Variants in NCOA2 observed in about 807,000 individuals in gnomAD.
NCOA2 encodes nuclear receptor coactivator 2.
Under a neutral mutation model 145.1 loss-of-function variants are expected in NCOA2, and 21 were observed. The observed-to-expected ratio is 0.14, with a 90% CI of 0.10 to 0.21. The LOEUF (loss-of-function observed/expected upper bound fraction) is 0.21, where lower values mean the gene tolerates loss of function less well. Among genes scored for constraint, NCOA2 ranks in the 10% least tolerant of loss-of-function variants. NCOA2 has a pLI of 1.00. For synonymous variants in NCOA2, 619 were observed against 637.5 expected, an observed-to-expected ratio of 0.97 and a Z score of 0.44; for missense variants, 1,472 against 1,837.6, an observed-to-expected ratio of 0.80 and a Z score of 3.64.
At chr8:70,366,785 T>C (rs955194294) in intron 1 of NCOA2, among the ~76,000 whole-genome samples, 6 of 151,530 alleles carry the variant, frequency 4.0e-5, no homozygotes, top group African/African-American at 7.2e-5. Context: ...GGAGTGCTTA[T>C]TGAATGCTTA....
intron 2 of NCOA2, among the ~76,000 whole-genome samples, chr8:70,250,718 TTTC>T (rs1459963228): frequency 3.3e-5 from 5 of 152,188 alleles, no homozygotes; most frequent in Non-Finnish European, 7.3e-5. Context: ...TCTATAAAGA[TTTC>T]TTCTTTACAC....
In NCOA2 at chr8:70,113,499, C is replaced by T; in HGVS notation, c.*133G>A. 1 of 1,026,540 alleles carries T rather than the reference C, an allele frequency of 9.7e-7. No individual in the cohort carries two copies. The highest frequency in any genetic ancestry group is 1.5e-6 in the Non-Finnish European group (1 of 684,020). The allele number at this position is 1,026,540 out of a possible 1,614,324, so 63.6% of individuals were successfully genotyped here. ...GTGGACGCCACCCTGGGAACCAGGGCCAGGCCTGTCTGCTCTAGCAGAACC... is the reference window on the plus strand; with the variant it reads ...GTGGACGCCACCCTGGGAACCAGGGTCAGGCCTGTCTGCTCTAGCAGAACC... On this transcript the variant is annotated 3_prime_UTR_variant, in exon 23 of 23. Transcript: ENST00000452400.
At chr8:70,358,137 C>A (rs1043754203) in intron 1 of NCOA2, among the ~76,000 whole-genome samples, 1 of 152,072 alleles carries the variant, frequency 6.6e-6, no homozygotes, top group Non-Finnish European at 1.5e-5. Context: ...GGAAATTATC[C>A]TCTGTTCATG....
At chr8:70,448,162 A>T in the NCOA2 span, among the ~76,000 whole-genome samples, 1 of 151,966 alleles carries the variant, frequency 6.6e-6, no homozygotes, top group East Asian at 1.9e-4. Flanking sequence ...GCTAATGCTA[A>T]TTTTTTTTCC....
At position 70,148,447 on chromosome 8, in the gene NCOA2, C is replaced by T; in HGVS notation, c.2431G>A (p.Asp811Asn). 6.2e-7 allele frequency: 1 copy of T among 1,613,548 alleles called. No individual in the cohort carries two copies. Among genetic ancestry groups the T allele is most frequent in the Non-Finnish European group, 8.5e-7 (1 of 1,179,878 alleles). Residue 811 changes from aspartate to asparagine, a missense_variant, in exon 12 of 23, where the codon GAT becomes AAT. By Grantham distance (23) the Asp-to-Asn change is conservative (BLOSUM62 1). Transcript: ENST00000452400. ...GGTAATTGACTATTCTGCAAATCAT[C>T]CAAAATCTCCTCCAAGTTGTCCAGC... ...SELDNLEEIL[D>N]DLQNSQLPQL...
At chr8:70,204,726 T>C (rs1324392599) in intron 4 of NCOA2, among the ~76,000 whole-genome samples, 1 of 152,140 alleles carries the variant, frequency 6.6e-6, no homozygotes, top group Non-Finnish European at 1.5e-5. Context: ...GTGCGGTGGC[T>C]CACGCCTGTA....
intron 1 of NCOA2, among the ~76,000 whole-genome samples, chr8:70,311,090 T>C (rs1805077811): frequency 6.6e-6 from 1 of 152,156 alleles, no homozygotes; most frequent in Admixed American, 6.5e-5. Flanking sequence ...TCAGCAATTG[T>C]CTGTTGACTG....
At chr8:70,330,195 AATGATG>A (rs1176956362) in intron 1 of NCOA2, among the ~76,000 whole-genome samples, 2 of 137,370 alleles carry the variant, frequency 1.5e-5, no homozygotes, top group Admixed American at 7.1e-5. Flanking sequence ...ACACTCAATA[AATGATG>A]ATGATGATGA....
chr8:70,339,838 G>A (rs886800619), intron 1 of NCOA2, among the ~76,000 whole-genome samples: 1 of 152,154 alleles, frequency 6.6e-6, no homozygotes, highest in Non-Finnish European at 1.5e-5. Context: ...ATGCAATGGG[G>A]AAAAGATTCC....
At chr8:70,429,492 A>T in the NCOA2 span, among the ~76,000 whole-genome samples, 1 of 152,068 alleles carries the variant, frequency 6.6e-6, no homozygotes, top group Non-Finnish European at 1.5e-5. Flanking sequence ...CTTGCTTGCT[A>T]CTTTATTTGT....
At chr8:70,291,645 T>TA (rs1428381249) in intron 2 of NCOA2, among the ~76,000 whole-genome samples, 1 of 152,198 alleles carries the variant, frequency 6.6e-6, no homozygotes, top group Non-Finnish European at 1.5e-5. Flanking sequence ...TCAACCTCAC[T>TA]AAGCAAGACA....
the NCOA2 span, among the ~76,000 whole-genome samples, chr8:70,441,996 GGAAAGAAAGAAATAAAGGAAA>G: frequency 5.4e-4 from 23 of 42,390 alleles, no homozygotes; most frequent in Admixed American, 3.8e-3. Flanking sequence ...GAGAAAGAAA[GGAAAGAAAGAAATAAAGGAAA>G]GAAAGAAAGA....
chr8:70,120,259 A>C (rs185269477), intron 22 of NCOA2, among the ~76,000 whole-genome samples: 2 of 152,204 alleles, frequency 1.3e-5, no homozygotes, highest in Admixed American at 6.5e-5. Flanking sequence ...GTGAAGGGTA[A>C]TATCTCTTAC....
intron 1 of NCOA2, among the ~76,000 whole-genome samples, chr8:70,395,934 G>GT (rs1813625945): frequency 6.6e-6 from 1 of 152,222 alleles, no homozygotes; most frequent in Admixed American, 6.5e-5. Flanking sequence ...CTGGAACACT[G>GT]TAAGCAATGC....
At chr8:70,373,950 C>T (rs189294466) in intron 1 of NCOA2, among the ~76,000 whole-genome samples, 1 of 152,212 alleles carries the variant, frequency 6.6e-6, no homozygotes, top group African/African-American at 2.4e-5. Context: ...AAAGTTCCAA[C>T]CTTATTCTTC....
intron 1 of NCOA2, among the ~76,000 whole-genome samples, chr8:70,351,728 G>A (rs1293995457): frequency 6.7e-6 from 1 of 149,094 alleles, no homozygotes; most frequent in Non-Finnish European, 1.5e-5. Flanking sequence ...TAGGACTATA[G>A]GCACACACCA....
At chr8:70,434,251 T>C in the NCOA2 span, among the ~76,000 whole-genome samples, 3 of 152,288 alleles carry the variant, frequency 2.0e-5, no homozygotes, top group South Asian at 4.1e-4. Flanking sequence ...CAGAATACCA[T>C]AAAAACAAGC....
chr8:70,371,555 A>ATTAG (rs961780694), intron 1 of NCOA2, among the ~76,000 whole-genome samples: 12 of 152,324 alleles, frequency 7.9e-5, no homozygotes, highest in African/African-American at 2.6e-4. Flanking sequence ...ACTTACAAAG[A>ATTAG]TACTAAAAAG....
intron 15 of NCOA2, among the ~76,000 whole-genome samples, chr8:70,133,155 T>C (rs1809342589): frequency 6.7e-6 from 1 of 150,298 alleles, no homozygotes; most frequent in Admixed American, 6.6e-5. Flanking sequence ...CTCACCCTCC[T>C]GAGTAGCTAG....
Sources: gnomAD v4.1 joint callset for allele counts (sites outside exome capture counted in the v4.1 genomes callset) on GRCh38, gnomAD v4.1.1 for gene constraint, MANE v1.5 for transcripts, NCBI Gene and HGNC (gene_info 2026-07-23, HGNC 2026-07-21) for gene names.